The following SRPK2 variants were observed in gnomAD, a reference collection of about 807,000 sequenced individuals.
The protein encoded by SRPK2 is SFRS protein kinase 2.
SRPK2 carries 21 observed loss-of-function variants against 90.8 expected under a neutral mutation model. The observed-to-expected ratio is 0.23, with a 90% CI of 0.16 to 0.33. SRPK2 has a LOEUF of 0.33. Ranked by LOEUF, SRPK2 falls within the 10% of genes least tolerant of loss-of-function variation. The probability of loss-of-function intolerance (pLI) is 1.00; values close to 1 mark genes in which losing one functional copy is unlikely to be tolerated. For missense variants in SRPK2, 620 were observed against 869.0 expected, an observed-to-expected ratio of 0.71 and a Z score of 3.60; for synonymous variants, 288 against 311.1, an observed-to-expected ratio of 0.93 and a Z score of 0.78.
intron 2 of SRPK2, among the ~76,000 whole-genome samples, chr7:105,257,460 T>C (rs992755711): frequency 1.3e-5 from 2 of 152,232 alleles, no homozygotes. Context: ...TAGGTGATAC[T>C]TGAAACCTGG....
rs1803810372 is a variant in SRPK2 at position 105,141,745 on chromosome 7, T to C, written c.1543+263A>G. On this transcript the variant is annotated intron_variant, in intron 11 of 15. Coordinates refer to ENST00000393651, the MANE Select transcript of SRPK2 (RefSeq NM_182692.3). Reference sequence around the variant, plus strand: ...GTAAGTTGCTAAAACTGGAAGGTTTTTGCAAATGATGCTGCTGACTAAATA... The same window carrying C: ...GTAAGTTGCTAAAACTGGAAGGTTTCTGCAAATGATGCTGCTGACTAAATA... Among the ~76,000 whole-genome samples the C allele has an allele frequency of 2.0e-5, 3 of 152,370 alleles. No homozygotes were observed. The South Asian group carries it at 6.2e-4, about 32-fold the overall frequency.
intron 3 of SRPK2, among the ~76,000 whole-genome samples, chr7:105,178,785 GGA>G (rs924846493): frequency 3.3e-5 from 5 of 151,728 alleles, no homozygotes; most frequent in African/African-American, 1.2e-4. Flanking sequence ...CTCCAACCTG[GGA>G]GACAAAGTAA....
At chr7:105,337,339 G>A (rs1325668236) in intron 2 of SRPK2, among the ~76,000 whole-genome samples, 1 of 150,434 alleles carries the variant, frequency 6.6e-6, no homozygotes, top group Non-Finnish European at 1.5e-5. Flanking sequence ...TTTTGAGATG[G>A]AGTCTTGCTC....
intron 2 of SRPK2, among the ~76,000 whole-genome samples, chr7:105,369,368 G>C (rs1011567009): frequency 1.2e-4 from 18 of 152,018 alleles, no homozygotes; most frequent in South Asian, 2.1e-4. Flanking sequence ...GGCTGGTATC[G>C]AACTCCTGAC....
intron 11 of SRPK2, among the ~76,000 whole-genome samples, chr7:105,139,935 C>A (rs1164392799): frequency 6.6e-6 from 1 of 151,882 alleles, no homozygotes; most frequent in Non-Finnish European, 1.5e-5. Flanking sequence ...GGTTCCAGGA[C>A]ATCCTGAGGA....
chr7:105,138,742 T>C (rs1803255763), intron 11 of SRPK2, among the ~76,000 whole-genome samples: 1 of 152,166 alleles, frequency 6.6e-6, no homozygotes, highest in Non-Finnish European at 1.5e-5. Context: ...GAGGTTGCAG[T>C]GAACCGAGAT....
At chr7:105,382,919 A>C (rs939928735) in intron 2 of SRPK2, among the ~76,000 whole-genome samples, 1 of 152,168 alleles carries the variant, frequency 6.6e-6, no homozygotes, top group Non-Finnish European at 1.5e-5. Flanking sequence ...CATTGTCTCA[A>C]TGTCAATTTA....
intron 2 of SRPK2, chr7:105,244,742 G>A (rs1192595545): frequency 3.6e-6 from 4 of 1,099,874 alleles, no homozygotes; most frequent in East Asian, 2.4e-5. Flanking sequence ...CCGCCGCCGC[G>A]GGCGTCTGAC....
chr7:105,164,996 C>G (rs1789851241), intron 6 of SRPK2, among the ~76,000 whole-genome samples: 1 of 152,144 alleles, frequency 6.6e-6, no homozygotes, highest in Non-Finnish European at 1.5e-5. Flanking sequence ...GAAAGTACTG[C>G]CTACTCCAGG....
chr7:105,296,371 A>G (rs905647331), intron 2 of SRPK2, among the ~76,000 whole-genome samples: 4 of 152,178 alleles, frequency 2.6e-5, no homozygotes, highest in Non-Finnish European at 5.9e-5. Context: ...AACTTAGGAG[A>G]TAAATAGTTT....
chr7:105,205,843 A>G, intron 2 of SRPK2: 1 of 491,812 alleles, frequency 2.0e-6, no homozygotes, highest in Admixed American at 2.0e-5. Flanking sequence ...TGTCTGACAC[A>G]TTTCCTCAAT....
At chr7:105,270,414 T>C (rs1252106886) in intron 2 of SRPK2, among the ~76,000 whole-genome samples, 2 of 52,866 alleles carry the variant, frequency 3.8e-5, no homozygotes, top group Non-Finnish European at 6.5e-5. Flanking sequence ...TCTGCCCTTT[T>C]TTTTTTTTTT....
intron 2 of SRPK2, among the ~76,000 whole-genome samples, chr7:105,264,827 G>C (rs1358254247): frequency 6.6e-6 from 1 of 152,138 alleles, no homozygotes; most frequent in African/African-American, 2.4e-5. Context: ...GCAATGCTAT[G>C]TGTGAATGCA....
At position 105,170,741 on chromosome 7, in the gene SRPK2, A is replaced by AAGGG. The variant is rs1196069961; in HGVS notation, c.230-1480_230-1477dup. Among the ~76,000 whole-genome samples the AAGGG allele has an allele frequency of 1.2e-4, 11 of 94,578 alleles. 1 individual carries two copies. Among genetic ancestry groups the AAGGG allele is most frequent in the African/African-American group, 4.4e-4 (9 of 20,344 alleles). 62.0% of individuals were successfully genotyped at this position (94,578 alleles called of 152,430 possible). A position where few individuals can be genotyped will look rare whatever the true frequency, so the allele number is the denominator to read the frequency against. On this transcript the variant is annotated intron_variant, in intron 3 of 15. Coordinates refer to ENST00000393651, the MANE Select transcript of SRPK2 (RefSeq NM_182692.3). Reference sequence around the variant, plus strand: ...GAAAGAAAAGGAAAGAAAGGGAAGAAAGGGAGGAAGGAAGGAAGGAAGGAA... The same window carrying AAGGG: ...GAAAGAAAAGGAAAGAAAGGGAAGAAAGGGAGGGAGGAAGGAAGGAAGGAAGGAA...
intron 3 of SRPK2, among the ~76,000 whole-genome samples, chr7:105,171,721 T>C (rs1444292261): frequency 1.3e-5 from 2 of 152,340 alleles, no homozygotes; most frequent in East Asian, 3.9e-4. Context: ...CACTTGCTTG[T>C]CCTGGATTTG....
At chr7:105,373,617 G>A (rs1362947917) in intron 2 of SRPK2, among the ~76,000 whole-genome samples, 1 of 151,890 alleles carries the variant, frequency 6.6e-6, no homozygotes, top group Non-Finnish European at 1.5e-5. Flanking sequence ...TGGCCAGGCT[G>A]GTCTCGAACT....
At position 105,142,758 on chromosome 7, in the gene SRPK2, TA is replaced by T. The variant is rs1803979308; in HGVS notation, c.1061-269del. 5.3e-5 allele frequency among the ~76,000 whole-genome samples: 8 copies of T among 152,238 alleles called. No individual in the cohort carries two copies. In the South Asian group the frequency reaches 1.7e-3, roughly 31 times the overall value. ...GTTGCACTTCCATTTCTACCCTCTATAATCTTCAGAAACAGACTTGTGGTGC... is the reference window on the plus strand; with the variant it reads ...GTTGCACTTCCATTTCTACCCTCTATATCTTCAGAAACAGACTTGTGGTGC... On this transcript the variant is annotated intron_variant, in intron 10 of 15. Coordinates refer to ENST00000393651, the MANE Select transcript of SRPK2 (RefSeq NM_182692.3).
At chr7:105,265,399 A>G (rs926842638) in intron 2 of SRPK2, among the ~76,000 whole-genome samples, 2 of 152,216 alleles carry the variant, frequency 1.3e-5, no homozygotes, top group Admixed American at 6.5e-5. Flanking sequence ...TGCAAATACT[A>G]TACCATTTTA....
chr7:105,297,976 G>A (rs1312167680), intron 2 of SRPK2, among the ~76,000 whole-genome samples: 2 of 152,056 alleles, frequency 1.3e-5, no homozygotes, highest in Non-Finnish European at 2.9e-5. Flanking sequence ...TCCTGACCTC[G>A]TGATCTGCCC....
Sources: gnomAD v4.1 joint callset for allele counts (sites outside exome capture counted in the v4.1 genomes callset) on GRCh38, gnomAD v4.1.1 for gene constraint, MANE v1.5 for transcripts, NCBI Gene and HGNC (gene_info 2026-07-23, HGNC 2026-07-21) for gene names.